The following CEACAM4 variants were observed in gnomAD, a reference collection of about 807,000 sequenced individuals.
CEACAM4 encodes the protein CEA cell adhesion molecule 4.
Under a neutral mutation model 28.7 loss-of-function variants are expected in CEACAM4, and 30 were observed. The ratio of observed to expected loss-of-function variants is 1.05; its 90% CI spans 0.78 to 1.42. The LOEUF is 1.42. CEACAM4 is among the 40% of genes most tolerant of loss of function. CEACAM4 has a pLI of 0.00. For missense variants in CEACAM4, 330 were observed against 308.2 expected (o/e 1.07, Z -0.53); for synonymous variants, 143 against 126.5 (o/e 1.13, Z -0.87).
At chr19:41,624,410 A>C (rs1330830816) in intron 2 of CEACAM4, among the ~76,000 whole-genome samples, 3 of 152,196 alleles carry the variant, frequency 2.0e-5, no homozygotes, top group Non-Finnish European at 4.4e-5. Context: ...AAACCATTTC[A>C]TGTCCAGAGA....
At chr19:41,620,168 T>C (rs1555800570) in intron 5 of CEACAM4, 43 bp downstream of exon 5, 3 of 1,480,420 alleles carry the variant, frequency 2.0e-6, no homozygotes, top group Non-Finnish European at 2.7e-6. Context: ...GCCTGCACTG[T>C]TGGGACCCCA....
intron 5 of CEACAM4, among the ~76,000 whole-genome samples, chr19:41,619,914 C>T (rs1471203241): frequency 6.6e-6 from 1 of 152,172 alleles, no homozygotes; most frequent in African/African-American, 2.4e-5. Flanking sequence ...CTGGCTGGGC[C>T]CACCCCGCAC....
chr19:41,622,164 A>G (rs1555801852), intron 2 of CEACAM4, among the ~76,000 whole-genome samples: 1 of 151,164 alleles, frequency 6.6e-6, no homozygotes, highest in Non-Finnish European at 1.5e-5. Context: ...TGCAACCTCC[A>G]TCTCCCAAGT....
chr19:41,622,869 G>T (rs901226507), intron 2 of CEACAM4, among the ~76,000 whole-genome samples: 3 of 125,856 alleles, frequency 2.4e-5, no homozygotes, highest in African/African-American at 7.4e-5. Context: ...TAGATAGATA[G>T]ATAGATAGAT....
At chr19:41,620,309 G>A in intron 4 of CEACAM4, 67 bp from the exon 5 acceptor site, 10 of 1,333,250 alleles carry the variant, frequency 7.5e-6, no homozygotes, top group Non-Finnish European at 9.9e-6. Flanking sequence ...GCAGGAGAGT[G>A]TAGGGGTCCT....
chr19:41,619,412 G>A lies in CEACAM4; in HGVS notation c.670-17C>T. ...TAGCAATTCCTGTAAAAACAGAGAA[G>A]AGGCCTCAACCCCTGTAGCCTTCTC... On this transcript the variant is annotated splice_polypyrimidine_tract_variant and intron_variant, in intron 6 of 6. Coordinates refer to ENST00000221954, the MANE Select transcript of CEACAM4 (RefSeq NM_001817.4). 1.9e-6 allele frequency: 3 copies of A among 1,613,330 alleles called. No homozygotes were observed. The highest frequency in any genetic ancestry group is 2.5e-6 in the Non-Finnish European group (3 of 1,179,290).
chr19:41,615,262 G>C (rs1478854178), downstream of CEACAM4, among the ~76,000 whole-genome samples: 1 of 152,010 alleles, frequency 6.6e-6, no homozygotes, highest in Non-Finnish European at 1.5e-5. Context: ...GTTCATCAGA[G>C]CCTCTCCATG....
downstream of CEACAM4, among the ~76,000 whole-genome samples, chr19:41,614,216 C>G (rs1446875287): frequency 3.9e-5 from 6 of 152,232 alleles, no homozygotes; most frequent in African/African-American, 1.4e-4. Flanking sequence ...AGTGAACATC[C>G]TCATACACAC....
At chr19:41,618,127 G>A (rs368486259), downstream of CEACAM4, among the ~76,000 whole-genome samples, 2 of 146,052 alleles carry the variant, frequency 1.4e-5, no homozygotes, top group East Asian at 3.9e-4. Context: ...CCTTCCAGGG[G>A]CCCTCAGGGA....
chr19:41,621,717 C>T lies in CEACAM4; in HGVS notation c.476G>A (p.Gly159Glu). The T allele has an allele frequency of 6.2e-7, 1 of 1,613,462 alleles. No individual in the cohort carries two copies. Among genetic ancestry groups the T allele is most frequent in the East Asian group, 2.2e-5 (1 of 44,874 alleles). Reference sequence around the variant, plus strand: ...CACCAGAGCCACCCCAACCAGGACCCCAGTCACGATGCCAGCGACGGCCCC... The same window carrying T: ...CACCAGAGCCACCCCAACCAGGACCTCAGTCACGATGCCAGCGACGGCCCC... The part of the protein sequence containing the change: ...PVGAVAGIVT[G>E]VLVGVALVAA... The change falls in exon 3 of 7, where the codon GGG (glycine) becomes GAG (glutamate). Residue 159 changes from glycine to glutamate, a missense_variant. Gly to Glu is a moderately conservative substitution (Grantham distance 98). Transcript: ENST00000221954.
chr19:41,624,320 G>C (rs551421402), intron 2 of CEACAM4, among the ~76,000 whole-genome samples: 8 of 152,168 alleles, frequency 5.3e-5, no homozygotes, highest in Non-Finnish European at 1.2e-4. Context: ...GGCTGGTGCA[G>C]GGTGTGAATG....
chr19:41,626,778 C>T, intron 1 of CEACAM4, 122 bp downstream of exon 1: 2 of 734,080 alleles, frequency 2.7e-6, no homozygotes, highest in Non-Finnish European at 4.5e-6. Flanking sequence ...CAGAGGCCCT[C>T]AGTCCCCTCT....
chr19:41,620,172 G>A (rs782662092), intron 5 of CEACAM4, 39 bp downstream of exon 5: 63 of 1,484,810 alleles, frequency 4.2e-5, no homozygotes, highest in Admixed American at 3.3e-4. Context: ...GCACTGTTGG[G>A]ACCCCAGTAG....
chr19:41,621,910 G>A, intron 2 of CEACAM4, 142 bp from the exon 3 acceptor site: 1 of 617,524 alleles, frequency 1.6e-6, no homozygotes, highest in Non-Finnish European at 3.0e-6. Flanking sequence ...TGTCCTCATA[G>A]CTGACTCCCT....
intron 3 of CEACAM4, among the ~76,000 whole-genome samples, chr19:41,620,850 G>A (rs1487762185): frequency 1.3e-4 from 19 of 151,954 alleles, no homozygotes; most frequent in South Asian, 2.1e-4. Context: ...GGCAGATGCC[G>A]GGTGAGGAGA....
At chr19:41,626,063 AGTGTGTGTGTGTGTGTGTGTGT>A (rs61710351) in intron 1 of CEACAM4, 103 bp from the exon 2 acceptor site, 15,421 of 652,890 alleles carry the variant, frequency 0.024, 193 homozygotes, top group Admixed American at 0.056. Flanking sequence ...TCAGCCTTGG[AGTGTGTGTGTGTGTGTGTGTGT>A]GTGTGTGTGT....
downstream of CEACAM4, among the ~76,000 whole-genome samples, chr19:41,618,211 C>A (rs2071036602): frequency 6.6e-6 from 1 of 152,120 alleles, no homozygotes; most frequent in Non-Finnish European, 1.5e-5. Context: ...GGGAGAGGAG[C>A]AGACAGGTTG....
chr19:41,618,236 G>T (rs1422498609), downstream of CEACAM4, among the ~76,000 whole-genome samples: 2 of 152,172 alleles, frequency 1.3e-5, no homozygotes, highest in Non-Finnish European at 2.9e-5. Context: ...ATCGCCATGG[G>T]AGCCTGCATG....
chr19:41,617,361 A>T (rs1188218334), downstream of CEACAM4, among the ~76,000 whole-genome samples: 6 of 152,194 alleles, frequency 3.9e-5, no homozygotes, highest in Non-Finnish European at 8.8e-5. Flanking sequence ...CACAGTCATG[A>T]TGAACCCATC....
Sources: gnomAD v4.1 joint callset for allele counts (sites outside exome capture counted in the v4.1 genomes callset) on GRCh38, gnomAD v4.1.1 for gene constraint, MANE v1.5 for transcripts, NCBI Gene and HGNC (gene_info 2026-07-23, HGNC 2026-07-21) for gene names.